HIVEP1: variants seen among roughly 807,000 people sequenced by gnomAD.
HIVEP1 encodes the protein HIVEP zinc finger 1.
HIVEP1 carries 36 observed loss-of-function variants against 180.0 expected under a neutral mutation model. The ratio of observed to expected loss-of-function variants is 0.20; its 90% CI spans 0.15 to 0.26. The LOEUF (loss-of-function observed/expected upper bound fraction) is 0.26, where lower values mean the gene tolerates loss of function less well. HIVEP1 is among the 10% of genes least tolerant of loss of function. The pLI is 1.00. For synonymous variants in HIVEP1, 1,239 were observed against 1,239.0 expected (o/e 1.00, Z 0.00); for missense variants, 3,143 against 3,268.7 (o/e 0.96, Z 0.94).
rs373744044 is a variant in HIVEP1 at position 12,099,183 on chromosome 6, G to GGTTTTTTTTTT, written c.94+9946_94+9947insGTTTTTTTTTT. On this transcript the variant is annotated intron_variant, in intron 3 of 8. Coordinates refer to ENST00000379388, the MANE Select transcript of HIVEP1 (RefSeq NM_002114.4). ...AGGAGCCAGAGGGAAATGTCACTGA[G>GGTTTTTTTTTT]TTTTTTTTTTTTTTTTGAGACGGAG... 8.7e-5 allele frequency among the ~76,000 whole-genome samples: 12 copies of GGTTTTTTTTTT among 138,460 alleles called. 1 individual carries two copies. The highest frequency in any genetic ancestry group is 3.0e-4 in the African/African-American group (11 of 36,516). The allele number at this position is 138,460 out of a possible 152,430, so 90.8% of individuals were successfully genotyped here. A position where few individuals can be genotyped will look rare whatever the true frequency, so the allele number is the denominator to read the frequency against.
upstream of HIVEP1, chr6:12,007,985 C>T (rs1238559816): frequency 6.6e-6 from 1 of 151,894 alleles, no homozygotes; most frequent in Admixed American, 6.6e-5. Context: ...AAAGTGGAGG[C>T]ACAGGTAAGG....
At chr6:12,112,514 G>T (rs1774961605) in intron 3 of HIVEP1, among the ~76,000 whole-genome samples, 1 of 151,890 alleles carries the variant, frequency 6.6e-6, no homozygotes, top group South Asian at 2.1e-4. Flanking sequence ...AAAATTCTTG[G>T]CCATTATTTT....
chr6:12,067,207 T>C (rs1349731618), intron 2 of HIVEP1, among the ~76,000 whole-genome samples: 1 of 152,196 alleles, frequency 6.6e-6, no homozygotes, highest in African/African-American at 2.4e-5. Context: ...ATTAGTATTA[T>C]GGATCTTGCA....
chr6:12,108,727 C>A (rs1020083025), intron 3 of HIVEP1, among the ~76,000 whole-genome samples: 11 of 152,328 alleles, frequency 7.2e-5, no homozygotes, highest in Non-Finnish European at 1.2e-4. Flanking sequence ...CTCCAGCTGG[C>A]CTGCAAGCGC....
intron 1 of HIVEP1, among the ~76,000 whole-genome samples, chr6:12,013,846 T>C (rs13213752): frequency 0.36 from 54,651 of 152,152 alleles, 11,470 homozygotes; most frequent in Non-Finnish European, 0.48. Flanking sequence ...TATTTTACCA[T>C]GTAGTTAAAA....
the HIVEP1 span, among the ~76,000 whole-genome samples, chr6:12,207,667 G>A: frequency 3.4e-4 from 51 of 151,722 alleles, no homozygotes; most frequent in Non-Finnish European, 6.8e-4. Flanking sequence ...AACTTTGGGA[G>A]GCCAGGGCAA....
At position 12,030,620 on chromosome 6, in the gene HIVEP1, CTCTG is replaced by C. The variant is rs1561868648; in HGVS notation, c.40+14956_40+14959del. 1.1e-4 allele frequency among the ~76,000 whole-genome samples: 16 copies of C among 152,236 alleles called. 1 individual carries two copies. ...TCAACTCTAGAATTTCTATTTGCTT[CTCTG>C]TCTCTTTTTAAAATAATTTCTATCA... On this transcript the variant is annotated intron_variant, in intron 2 of 8. Transcript: ENST00000379388.
chr6:12,085,336 A>G (rs1365756894), intron 2 of HIVEP1, among the ~76,000 whole-genome samples: 1 of 151,976 alleles, frequency 6.6e-6, no homozygotes, highest in East Asian at 1.9e-4. Flanking sequence ...GAAGAGGACA[A>G]AGCAGGGGTT....
upstream of HIVEP1, among the ~76,000 whole-genome samples, chr6:12,011,553 C>G (rs1399228648): frequency 9.3e-5 from 14 of 150,360 alleles, no homozygotes; most frequent in Non-Finnish European, 1.0e-4. Flanking sequence ...TCCCGCCCCC[C>G]GCGTCCCTAA....
At chr6:12,015,020 T>G (rs1767642882) in intron 1 of HIVEP1, among the ~76,000 whole-genome samples, 1 of 152,166 alleles carries the variant, frequency 6.6e-6, no homozygotes. Context: ...CGCTCACAGG[T>G]CGTTAGCTAC....
intron 2 of HIVEP1, among the ~76,000 whole-genome samples, chr6:12,064,488 T>C (rs1434442834): frequency 6.6e-6 from 1 of 152,238 alleles, no homozygotes; most frequent in Non-Finnish European, 1.5e-5. Flanking sequence ...AAGGTACTTT[T>C]TAGTGTTCAT....
At chr6:12,111,799 A>G (rs914434291) in intron 3 of HIVEP1, among the ~76,000 whole-genome samples, 2 of 152,192 alleles carry the variant, frequency 1.3e-5, no homozygotes, top group Non-Finnish European at 2.9e-5. Context: ...TAATCTCCCC[A>G]TCTCAAAATA....
In HIVEP1 at chr6:12,123,355, C is replaced by T; in HGVS notation, c.3560C>T (p.Ser1187Phe). The change falls in exon 4 of 9, where the codon TCT becomes TTT. Residue 1187 changes from serine (S) to phenylalanine (F), a missense_variant. By Grantham distance (155) the Ser-to-Phe change is radical (BLOSUM62 -2). This residue lies in a region of HIVEP1 where 1,357 missense variants were observed against 1,260.5 expected (regional missense o/e 1.08). Transcript: ENST00000379388. ...IGISQEESHP[S>F]RDGSHPHQLA... ...ATCTCCCAAGAGGAAAGTCACCCTTCTCGGGACGGGTCTCATCCTCACCAG... is the reference window on the plus strand; with the variant it reads ...ATCTCCCAAGAGGAAAGTCACCCTTTTCGGGACGGGTCTCATCCTCACCAG... 6.2e-7 allele frequency: 1 copy of T among 1,614,186 alleles called. No individual in the cohort carries two copies. Among genetic ancestry groups the T allele is most frequent in the Non-Finnish European group, 8.5e-7 (1 of 1,180,036 alleles).
chr6:12,163,090 G>A lies in HIVEP1; in HGVS notation c.6979-193G>A, dbSNP rs188392518. Among the ~76,000 whole-genome samples the A allele has an allele frequency of 5.3e-5, 8 of 152,272 alleles. No homozygotes were observed. In the East Asian group the frequency reaches 1.5e-3, roughly 29 times the overall value. ...TATTTCTACCAGAAACGAAATTAAA[G>A]ATGTAATAATTGTTTAATTGGAAGC... On this transcript the variant is annotated intron_variant, in intron 8 of 8. Coordinates refer to ENST00000379388, the MANE Select transcript of HIVEP1 (RefSeq NM_002114.4).
the HIVEP1 span, among the ~76,000 whole-genome samples, chr6:12,170,126 GA>G: frequency 6.1e-5 from 9 of 147,878 alleles, no homozygotes; most frequent in East Asian, 2.0e-4. Flanking sequence ...ATCTCAAAAA[GA>G]AAAAAAAAAC....
chr6:12,183,267 T>C, the HIVEP1 span, among the ~76,000 whole-genome samples: 1 of 152,178 alleles, frequency 6.6e-6, no homozygotes, highest in South Asian at 2.1e-4. Context: ...AAAGTTGTTT[T>C]TACTGGTCTA....
intron 3 of HIVEP1, among the ~76,000 whole-genome samples, chr6:12,108,522 G>A (rs931873244): frequency 2.0e-5 from 3 of 152,186 alleles, no homozygotes; most frequent in Non-Finnish European, 4.4e-5. Context: ...TGCAGGTCCC[G>A]AGCCCTGCCC....
chr6:12,082,273 T>C (rs1416460249), intron 2 of HIVEP1, among the ~76,000 whole-genome samples: 1 of 152,150 alleles, frequency 6.6e-6, no homozygotes. Flanking sequence ...GGCTCTGTAA[T>C]ATTCTGTCAT....
chr6:12,127,712 G>T (rs908774764), intron 4 of HIVEP1, among the ~76,000 whole-genome samples: 1 of 152,210 alleles, frequency 6.6e-6, no homozygotes, highest in Non-Finnish European at 1.5e-5. Context: ...AATGGTTGAA[G>T]AAAGTCCACA....
Sources: gnomAD v4.1 joint callset for allele counts (sites outside exome capture counted in the v4.1 genomes callset) on GRCh38, gnomAD v4.1.1 for gene constraint, gnomAD v4.1.1 regional missense constraint, MANE v1.5 for transcripts, NCBI Gene and HGNC (gene_info 2026-07-23, HGNC 2026-07-21) for gene names.